The following SGPP2 variants were observed in gnomAD, a reference collection of about 807,000 sequenced individuals.
SGPP2 encodes the protein sphingosine 1-phosphate phosphohydrolase 2.
Under a neutral mutation model 33.9 loss-of-function variants are expected in SGPP2, and 30 were observed. The ratio of observed to expected loss-of-function variants is 0.89; its 90% CI spans 0.66 to 1.20. The LOEUF (loss-of-function observed/expected upper bound fraction) is 1.20, where lower values mean the gene tolerates loss of function less well. SGPP2 is among the 50% of genes most tolerant of loss of function. The probability of loss-of-function intolerance (pLI) is 0.00; values close to 1 mark genes in which losing one functional copy is unlikely to be tolerated. For synonymous variants in SGPP2, 233 were observed against 225.0 expected, an observed-to-expected ratio of 1.04 and a Z score of -0.32; for missense variants, 458 against 532.1, an observed-to-expected ratio of 0.86 and a Z score of 1.37.
At chr2:222,538,554 T>C (rs1698947900) in intron 4 of SGPP2, among the ~76,000 whole-genome samples, 1 of 152,202 alleles carries the variant, frequency 6.6e-6, no homozygotes, top group African/African-American at 2.4e-5. Context: ...CTGAAGCAGT[T>C]TGTGCCAAGT....
intron 4 of SGPP2, among the ~76,000 whole-genome samples, chr2:222,525,588 T>A (rs1417908808): frequency 1.3e-5 from 2 of 152,220 alleles, no homozygotes; most frequent in African/African-American, 4.8e-5. Context: ...AGAAATATTT[T>A]CCAGGGCCGC....
intron 2 of SGPP2, among the ~76,000 whole-genome samples, chr2:222,478,537 C>G (rs1246180832): frequency 6.6e-6 from 1 of 152,136 alleles, no homozygotes; most frequent in Non-Finnish European, 1.5e-5. Flanking sequence ...AAATTAGTGG[C>G]TGCTTCTTCA....
At chr2:222,546,275 G>A (rs943890987) in intron 4 of SGPP2, among the ~76,000 whole-genome samples, 7 of 152,218 alleles carry the variant, frequency 4.6e-5, no homozygotes, top group African/African-American at 7.2e-5. Context: ...AGCACTCACC[G>A]CATTTCTGAA....
intron 1 of SGPP2, among the ~76,000 whole-genome samples, chr2:222,473,333 T>C (rs957397197): frequency 6.6e-6 from 1 of 152,142 alleles, no homozygotes; most frequent in African/African-American, 2.4e-5. Context: ...TAGAGGCTGC[T>C]CTCCAGATTC....
intron 1 of SGPP2, among the ~76,000 whole-genome samples, chr2:222,464,509 GT>G (rs1337657755): frequency 6.6e-6 from 1 of 152,124 alleles, no homozygotes; most frequent in Non-Finnish European, 1.5e-5. Flanking sequence ...TTGAGATAGG[GT>G]CTCACTCTAT....
In SGPP2 at chr2:222,424,663, T is replaced by C; in HGVS notation, c.61T>C (p.Cys21Arg). The C allele has an allele frequency of 6.9e-7, 1 of 1,442,318 alleles. No individual in the cohort carries two copies. Among genetic ancestry groups the C allele is most frequent in the Non-Finnish European group, 9.1e-7 (1 of 1,097,802 alleles). The allele number at this position is 1,442,318 out of a possible 1,614,324, so 89.3% of individuals were successfully genotyped here. Residue 21 changes from cysteine (C) to arginine (R), a missense_variant, in exon 1 of 5, where the codon TGC becomes CGC. By Grantham distance (180) the Cys-to-Arg change is radical. Transcript: ENST00000321276. ...SQLVARFQRR[C>R]GLFPAPDEGP... is the part of the protein sequence containing the mutation. The stretch of plus-strand genomic sequence containing the variant: ...GCTCGTCGCCCGCTTCCAGCGCCGC[T>C]GCGGGCTCTTCCCCGCTCCGGATGA...
chr2:222,511,299 CA>C (rs1424658465), intron 2 of SGPP2, among the ~76,000 whole-genome samples: 1 of 152,182 alleles, frequency 6.6e-6, no homozygotes, highest in East Asian at 1.9e-4. Flanking sequence ...TCCAGAGAAC[CA>C]GATTTTCTTT....
Position 222,524,998 on chromosome 2 carries a change from C to T in SGPP2, c.613C>T (p.Leu205Phe). 1 of 1,613,896 alleles carries T rather than the reference C, an allele frequency of 6.2e-7. No homozygotes were observed. The highest frequency in any genetic ancestry group is 8.5e-7 in the Non-Finnish European group (1 of 1,179,920). ...CGTGGTGTTTTCCACCTTGGTGTGT[C>T]TCAGCAGGCTCTACACTGGGATGCA... ...MAVVFSTLVC[L>F]SRLYTGMHTV... Residue 205 changes from leucine to phenylalanine, a missense_variant, in exon 4 of 5, where the codon CTC becomes TTC. By Grantham distance (22) the Leu-to-Phe change is conservative. Transcript: ENST00000321276.
chr2:222,525,258 A>G (rs1698741507), intron 4 of SGPP2, among the ~76,000 whole-genome samples: 1 of 152,244 alleles, frequency 6.6e-6, no homozygotes, highest in African/African-American at 2.4e-5. Context: ...AACCCTCAAG[A>G]TTTTGAAAAT....
chr2:222,445,803 A>G (rs1697390323), intron 1 of SGPP2, among the ~76,000 whole-genome samples: 1 of 152,158 alleles, frequency 6.6e-6, no homozygotes, highest in African/African-American at 2.4e-5. Flanking sequence ...GAATCCTCCC[A>G]ATGCCAGGCT....
intron 4 of SGPP2, among the ~76,000 whole-genome samples, chr2:222,552,635 C>T (rs570931822): frequency 4.6e-5 from 7 of 152,126 alleles, no homozygotes; most frequent in Non-Finnish European, 7.4e-5. Flanking sequence ...CCGAGGTGGG[C>T]GGATCACCTG....
intron 4 of SGPP2, among the ~76,000 whole-genome samples, chr2:222,555,428 G>A (rs994977306): frequency 1.8e-4 from 25 of 137,014 alleles, no homozygotes; most frequent in Non-Finnish European, 2.7e-4. Context: ...TCTGTTAGCT[G>A]CTCATTTCTT....
intron 3 of SGPP2, 135 bp downstream of exon 3, chr2:222,522,081 A>G: frequency 1.4e-6 from 1 of 723,408 alleles, no homozygotes; most frequent in Non-Finnish European, 2.1e-6. Flanking sequence ...ACTGAAACCT[A>G]TTAAACAGAT....
chr2:222,520,944 G>C (rs532197277), intron 2 of SGPP2, among the ~76,000 whole-genome samples: 1 of 152,064 alleles, frequency 6.6e-6, no homozygotes, highest in South Asian at 2.1e-4. Flanking sequence ...ATTTTTTGTA[G>C]AGACAGGGTC....
chr2:222,477,809 T>C lies in SGPP2; in HGVS notation c.378+3083T>C, dbSNP rs1394478841. Among the ~76,000 whole-genome samples, 4 of 152,110 alleles carry C rather than the reference T, an allele frequency of 2.6e-5. No individual in the cohort carries two copies. In the East Asian group the frequency reaches 7.7e-4, roughly 29 times the overall value. ...CTAGGGGACACTCTCGTTGCCATTA[T>C]TGGTGGTTATTTTCTGCTTCGGATT... On this transcript the variant is annotated intron_variant, in intron 2 of 4. Transcript: ENST00000321276. This position sits in a 1 kb window ranked among gnomAD's most constrained non-coding sequence, Gnocchi z 6.0.
At chr2:222,556,416 C>G (rs1282321549) in intron 4 of SGPP2, among the ~76,000 whole-genome samples, 1 of 151,330 alleles carries the variant, frequency 6.6e-6, no homozygotes, top group South Asian at 2.1e-4. Flanking sequence ...TCAACTCTTC[C>G]TCTGAAAGGC....
intron 2 of SGPP2, among the ~76,000 whole-genome samples, chr2:222,487,964 G>A (rs572822486): frequency 6.6e-6 from 1 of 152,236 alleles, no homozygotes; most frequent in South Asian, 2.1e-4. Flanking sequence ...GGGCTCAGAT[G>A]TTTATCATAG....
rs1229858323 is a variant in SGPP2, at chr2:222,554,400, G to T, written c.649-3947G>T. Among the ~76,000 whole-genome samples, 4 of 152,150 alleles carry T rather than the reference G, an allele frequency of 2.6e-5. No homozygotes were observed. The East Asian group carries it at 7.7e-4, about 29-fold the overall frequency. ...TGAGTCCTCTATAGGTGGAACTTGG[G>T]TTATTTCCACTGTGATGCTATTACA... On this transcript the variant is annotated intron_variant, in intron 4 of 4. Transcript: ENST00000321276.
chr2:222,498,505 A>G (rs1698317405), intron 2 of SGPP2: 1 of 152,162 alleles, frequency 6.6e-6, no homozygotes, highest in Non-Finnish European at 1.5e-5. Flanking sequence ...GGCATCATTC[A>G]TTCATTCATT....
Sources: gnomAD v4.1 joint callset for allele counts (sites outside exome capture counted in the v4.1 genomes callset) on GRCh38, gnomAD v4.1.1 for gene constraint, Gnocchi (gnomAD v3.1) non-coding constraint, MANE v1.5 for transcripts, NCBI Gene and HGNC (gene_info 2026-07-23, HGNC 2026-07-21) for gene names.